The following MYO1B variants were observed in gnomAD, a reference collection of about 807,000 sequenced individuals.
MYO1B encodes the protein unconventional myosin-Ib.
Under a neutral mutation model 159.7 loss-of-function variants are expected in MYO1B, and 72 were observed. That is an observed-to-expected ratio of 0.45 (90% CI 0.37 to 0.55). The LOEUF (loss-of-function observed/expected upper bound fraction) is 0.55. Ranked by LOEUF, MYO1B falls within the 20% of genes least tolerant of loss-of-function variation. The pLI, the probability that MYO1B is intolerant of heterozygous loss-of-function variation, is 0.00. For missense variants in MYO1B, 1,062 were observed against 1,364.8 expected (o/e 0.78, Z 3.50); for synonymous variants, 468 against 473.8 (o/e 0.99, Z 0.16).
intron 1 of MYO1B, among the ~76,000 whole-genome samples, chr2:191,247,725 C>G (rs1031081667): frequency 1.3e-5 from 2 of 152,206 alleles, no homozygotes; most frequent in Non-Finnish European, 2.9e-5. Context: ...CTCAAGTACT[C>G]ATTGTTCTAT....
chr2:191,349,049 C>T (rs990985977), intron 6 of MYO1B, among the ~76,000 whole-genome samples: 6 of 152,172 alleles, frequency 3.9e-5, no homozygotes, highest in Non-Finnish European at 5.9e-5. Flanking sequence ...GTTCCCGCTT[C>T]TTTGGCATAG....
At chr2:191,423,369 G>A (rs1177997271) in intron 30 of MYO1B, among the ~76,000 whole-genome samples, 1 of 152,132 alleles carries the variant, frequency 6.6e-6, no homozygotes, top group Non-Finnish European at 1.5e-5. Flanking sequence ...AAAATGGTAC[G>A]ACTGTATAGG....
chr2:191,417,967 G>A (rs764586719), intron 30 of MYO1B, among the ~76,000 whole-genome samples: 1 of 152,222 alleles, frequency 6.6e-6, no homozygotes. Flanking sequence ...CACAGAGGGC[G>A]TGTGATGTTC....
At chr2:191,362,648 A>G (rs1296323577) in intron 9 of MYO1B, among the ~76,000 whole-genome samples, 1 of 151,208 alleles carries the variant, frequency 6.6e-6, no homozygotes, top group African/African-American at 2.5e-5. Context: ...CTTTAAGGTT[A>G]TTTTTAAATT....
rs73981553 is a variant in MYO1B at position 191,304,979 on chromosome 2, C to T, written c.251+8753C>T. ...AGTTTGGTTCTCAGCAAAACAGCTG[C>T]TAACTGCCAAGATGTGGCTGACCTT... On this transcript the variant is annotated intron_variant, in intron 3 of 30. Transcript: ENST00000392318. 5.0e-3 allele frequency among the ~76,000 whole-genome samples: 759 copies of T among 152,314 alleles called. 9 individuals are homozygous for T. The highest frequency in any genetic ancestry group is 0.017 in the African/African-American group (716 of 41,562).
chr2:191,398,481 G>A (rs1696345296), intron 21 of MYO1B, among the ~76,000 whole-genome samples: 1 of 149,136 alleles, frequency 6.7e-6, no homozygotes, highest in Admixed American at 6.6e-5. Flanking sequence ...CGGGGTGGCT[G>A]CCGGACGGAG....
intron 21 of MYO1B, 49 bp from the exon 22 acceptor site, chr2:191,400,333 A>G (rs1696530155): frequency 1.3e-6 from 2 of 1,594,820 alleles, no homozygotes; most frequent in African/African-American, 1.3e-5. Context: ...GTCACTGTCA[A>G]TTCCTTTATT....
chr2:191,379,421 G>C (rs770032057), intron 13 of MYO1B: 1 of 152,580 alleles, frequency 6.6e-6, no homozygotes, highest in African/African-American at 2.4e-5. Context: ...AAGGTTATGG[G>C]CAAATTTAAT....
At chr2:191,373,531 T>C (rs764910600) in intron 13 of MYO1B, among the ~76,000 whole-genome samples, 1 of 152,236 alleles carries the variant, frequency 6.6e-6, no homozygotes, top group Non-Finnish European at 1.5e-5. Flanking sequence ...ATCCCAGCAC[T>C]TTGGGAGGCC....
intron 29 of MYO1B, among the ~76,000 whole-genome samples, chr2:191,415,582 G>GT (rs139352098): frequency 0.013 from 1,804 of 144,212 alleles, 28 homozygotes; most frequent in African/African-American, 0.041. Context: ...CAAGCATCAT[G>GT]TTTTTTTTTT....
chr2:191,407,257 A>G (rs931438953), intron 24 of MYO1B, among the ~76,000 whole-genome samples: 2 of 152,224 alleles, frequency 1.3e-5, no homozygotes, highest in African/African-American at 4.8e-5. Flanking sequence ...AATATTTTGA[A>G]CATGTGCAGT....
intron 3 of MYO1B, among the ~76,000 whole-genome samples, chr2:191,327,444 A>G (rs1349928885): frequency 6.6e-6 from 1 of 152,228 alleles, no homozygotes; most frequent in Non-Finnish European, 1.5e-5. Flanking sequence ...ATGCACTTTT[A>G]TTTGATCTTC....
At chr2:191,399,220 C>A (rs1448176238) in intron 21 of MYO1B, among the ~76,000 whole-genome samples, 1 of 152,062 alleles carries the variant, frequency 6.6e-6, no homozygotes, top group Non-Finnish European at 1.5e-5. Flanking sequence ...GCAGCAGTAC[C>A]ATCCAGCTTT....
At chr2:191,258,327 G>A (rs1279062703) in intron 1 of MYO1B, among the ~76,000 whole-genome samples, 1 of 152,172 alleles carries the variant, frequency 6.6e-6, no homozygotes, top group Non-Finnish European at 1.5e-5. Context: ...TGGTATAAAA[G>A]ATAAAAAATG....
intron 4 of MYO1B, among the ~76,000 whole-genome samples, chr2:191,340,189 A>G (rs1227599990): frequency 3.3e-5 from 5 of 152,084 alleles, no homozygotes; most frequent in Non-Finnish European, 7.4e-5. Flanking sequence ...ACTAATTAGG[A>G]CAGCCCAATC....
intron 13 of MYO1B, among the ~76,000 whole-genome samples, chr2:191,375,080 T>C (rs567056045): frequency 1.3e-5 from 2 of 152,340 alleles, no homozygotes; most frequent in South Asian, 4.1e-4. Flanking sequence ...AGCTGATTAT[T>C]TCACCTTTCA....
intron 4 of MYO1B, among the ~76,000 whole-genome samples, chr2:191,331,784 A>C (rs1327840464): frequency 6.6e-6 from 1 of 152,210 alleles, no homozygotes; most frequent in East Asian, 1.9e-4. Flanking sequence ...AAGTGGAGTG[A>C]AGGAAAATCA....
At chr2:191,372,836 C>A (rs1694444919) in intron 13 of MYO1B, among the ~76,000 whole-genome samples, 1 of 146,400 alleles carries the variant, frequency 6.8e-6, no homozygotes, top group Non-Finnish European at 1.5e-5. Flanking sequence ...AACACTGTTT[C>A]AACTAGAGAC....
At chr2:191,415,605 T>C (rs950092549) in intron 29 of MYO1B, among the ~76,000 whole-genome samples, 2 of 131,374 alleles carry the variant, frequency 1.5e-5, no homozygotes, top group Non-Finnish European at 3.0e-5. Flanking sequence ...TTTTGTTTTG[T>C]TTTTTTTTTG....
Sources: allele counts gnomAD v4.1 joint callset (sites outside exome capture counted in the v4.1 genomes callset), GRCh38; gene constraint gnomAD v4.1.1; transcripts MANE v1.5; gene names NCBI Gene and HGNC (gene_info 2026-07-23, HGNC 2026-07-21).